ARID1B: variants seen among roughly 807,000 people sequenced by gnomAD.
The protein encoded by ARID1B is AT-rich interaction domain 1B.
Under a neutral mutation model 212.3 loss-of-function variants are expected in ARID1B, and 30 were observed. That is an observed-to-expected ratio of 0.14 (90% confidence interval 0.11 to 0.19). The LOEUF is 0.19. ARID1B is among the 10% of genes least tolerant of loss of function. The pLI is 1.00. For missense variants in ARID1B, 2,891 were observed against 3,204.0 expected (o/e 0.90, Z 2.36); for synonymous variants, 1,402 against 1,301.7 (o/e 1.08, Z -1.66).
chr6:156,920,260 G>A (rs2128238863), intron 3 of ARID1B, among the ~76,000 whole-genome samples: 1 of 152,326 alleles, frequency 6.6e-6, no homozygotes, highest in Admixed American at 6.5e-5. Context: ...TGGTATTGAG[G>A]GATGAAGTTG....
intron 1 of ARID1B, among the ~76,000 whole-genome samples, chr6:156,792,697 G>C (rs1054053083): frequency 1.3e-5 from 2 of 152,154 alleles, no homozygotes; most frequent in African/African-American, 4.8e-5. Context: ...AGGGCAGTCT[G>C]AAATTTATGA....
At chr6:157,062,693 TA>T (rs1185728355) in intron 4 of ARID1B, among the ~76,000 whole-genome samples, 1 of 127,424 alleles carries the variant, frequency 7.8e-6, no homozygotes, top group African/African-American at 2.9e-5. Flanking sequence ...TGTTTTAAAA[TA>T]TATATATATA....
intron 2 of ARID1B, among the ~76,000 whole-genome samples, chr6:156,837,955 G>C (rs561109303): frequency 7.6e-4 from 115 of 152,230 alleles, no homozygotes; most frequent in Non-Finnish European, 6.8e-4. Context: ...TCCCTTGCCT[G>C]CTTAAATAGC....
intron 3 of ARID1B, among the ~76,000 whole-genome samples, chr6:156,916,331 T>C (rs545982021): frequency 9.6e-4 from 146 of 152,344 alleles, no homozygotes; most frequent in African/African-American, 3.3e-3. Flanking sequence ...TGAGTAGGTC[T>C]GGTTTATTCT....
intron 6 of ARID1B, among the ~76,000 whole-genome samples, chr6:157,132,797 C>T (rs1788638625): frequency 6.6e-6 from 1 of 152,204 alleles, no homozygotes; most frequent in Admixed American, 6.5e-5. Flanking sequence ...GTCCACAAGC[C>T]ATTGGCTTCC....
intron 2 of ARID1B, among the ~76,000 whole-genome samples, chr6:156,847,564 C>A (rs1015962209): frequency 6.6e-6 from 1 of 151,960 alleles, no homozygotes; most frequent in African/African-American, 2.4e-5. Flanking sequence ...CTGAGATAGA[C>A]GATGGGAAGG....
At chr6:156,853,932 T>G (rs1303784597) in intron 2 of ARID1B, among the ~76,000 whole-genome samples, 4 of 152,088 alleles carry the variant, frequency 2.6e-5, no homozygotes, top group African/African-American at 9.7e-5. Context: ...GGGGTCTCAC[T>G]ATGTTGCCCA....
intron 6 of ARID1B, among the ~76,000 whole-genome samples, chr6:157,127,783 C>CAAAAA (rs61172896): frequency 5.6e-4 from 32 of 56,786 alleles, no homozygotes; most frequent in African/African-American, 1.5e-3. Flanking sequence ...GACTCTGTCT[C>CAAAAA]AAAAAAAAAA....
intron 2 of ARID1B, among the ~76,000 whole-genome samples, chr6:156,879,247 T>C (rs1583203249): frequency 6.6e-6 from 1 of 152,356 alleles, no homozygotes; most frequent in South Asian, 2.1e-4. Context: ...TCTGTCTACT[T>C]GTGTTGTTTA....
intron 2 of ARID1B, among the ~76,000 whole-genome samples, chr6:156,853,411 G>C (rs1312453032): frequency 6.6e-6 from 1 of 152,216 alleles, no homozygotes; most frequent in Admixed American, 6.5e-5. Flanking sequence ...AGGGTGGTCA[G>C]TTTGAGGCCC....
chr6:157,074,607 A>AAT (rs1239654247), intron 4 of ARID1B, among the ~76,000 whole-genome samples: 1 of 152,338 alleles, frequency 6.6e-6, no homozygotes, highest in East Asian at 1.9e-4. Context: ...GGAATTAGGC[A>AAT]ATATGATGGG....
chr6:156,990,339 AT>A, intron 4 of ARID1B, among the ~76,000 whole-genome samples: 1 of 151,990 alleles, frequency 6.6e-6, no homozygotes, highest in African/African-American at 2.4e-5. Flanking sequence ...CACCGGGCTA[AT>A]TTTTCAAAAC....
intron 1 of ARID1B, among the ~76,000 whole-genome samples, chr6:156,796,401 C>CT (rs11449405): frequency 0.7 from 99,069 of 142,250 alleles, 34,960 homozygotes; most frequent in African/African-American, 0.83. Context: ...TGGACCTTTA[C>CT]TTTTTTTTTT....
chr6:156,976,913 AT>A, intron 4 of ARID1B: 1 of 560,916 alleles, frequency 1.8e-6, no homozygotes, highest in South Asian at 1.4e-5. Flanking sequence ...TCAGCCTCAG[AT>A]TTGATGTGCA....
chr6:156,862,418 C>T (rs1206810985), intron 2 of ARID1B, among the ~76,000 whole-genome samples: 1 of 152,134 alleles, frequency 6.6e-6, no homozygotes, highest in Non-Finnish European at 1.5e-5. Context: ...CACACCTTGG[C>T]ACCCCAACAC....
At chr6:156,860,952 C>G (rs1785286872) in intron 2 of ARID1B, among the ~76,000 whole-genome samples, 1 of 152,170 alleles carries the variant, frequency 6.6e-6, no homozygotes, top group Non-Finnish European at 1.5e-5. Flanking sequence ...TAGAATTTCT[C>G]TAATGACACA....
chr6:156,936,342 C>CAAAAAAAAAAAAAAAAAA (rs757988115), intron 4 of ARID1B: 2 of 76,776 alleles, frequency 2.6e-5, no homozygotes, highest in African/African-American at 9.2e-5. Flanking sequence ...AACTTCATCT[C>CAAAAAAAAAAAAAAAAAA]AAAAAAAAAA....
intron 4 of ARID1B, among the ~76,000 whole-genome samples, chr6:157,050,235 G>A (rs78677206): frequency 1.2e-3 from 180 of 152,218 alleles, no homozygotes; most frequent in Non-Finnish European, 2.0e-3. Context: ...AAGAACAACA[G>A]ATAACTCAAT....
At chr6:156,857,999 G>C (rs1259463826) in intron 2 of ARID1B, among the ~76,000 whole-genome samples, 2 of 152,336 alleles carry the variant, frequency 1.3e-5, no homozygotes, top group East Asian at 3.9e-4. Flanking sequence ...GGGATGAATG[G>C]ATAAAGAAAA....
Sources: allele counts gnomAD v4.1 joint callset (sites outside exome capture counted in the v4.1 genomes callset), GRCh38; gene constraint gnomAD v4.1.1; transcripts MANE v1.5; gene names NCBI Gene and HGNC (gene_info 2026-07-23, HGNC 2026-07-21).